Variants in XIRP2 observed in about 807,000 individuals in gnomAD.
XIRP2 encodes xin actin binding repeat containing 2, also known as xin actin-binding repeat-containing protein 2.
In XIRP2, 236 loss-of-function variants were observed where a neutral mutation model predicts 277.0. The observed-to-expected ratio is 0.85, with a 90% CI of 0.77 to 0.95. The LOEUF (loss-of-function observed/expected upper bound fraction) is 0.95, where lower values mean the gene tolerates loss of function less well. XIRP2 is among the 40% of genes least tolerant of loss of function. XIRP2 has a pLI of 0.00. For missense variants in XIRP2, 4,640 were observed against 4,157.5 expected (o/e 1.12, Z -3.19); for synonymous variants, 1,490 against 1,416.5 (o/e 1.05, Z -1.17).
At chr2:167,186,235 T>C (rs1287530593) in intron 3 of XIRP2, among the ~76,000 whole-genome samples, 1 of 152,152 alleles carries the variant, frequency 6.6e-6, no homozygotes, top group Non-Finnish European at 1.5e-5. Context: ...TCTTGTGGAG[T>C]ATATAGAACA....
At position 167,245,352 on chromosome 2, in the gene XIRP2, ACT is replaced by A; in HGVS notation, c.3963_3964del (p.Tyr1322CysfsTer11). The part of the protein sequence containing the change: ...SYRMLFETQP[L>X]YAIQDREGSY... Reference sequence around the variant, plus strand: ...ACAGAATGCTCTTTGAAACCCAGCCACTCTATGCAATTCAAGACCGAGAAGGG... The same window carrying A: ...ACAGAATGCTCTTTGAAACCCAGCCACTATGCAATTCAAGACCGAGAAGGG... On this transcript the variant is annotated frameshift_variant, in exon 9 of 11. Coordinates refer to ENST00000409195, the MANE Select transcript of XIRP2 (RefSeq NM_152381.6). LOFTEE classifies it high-confidence loss of function. 3 of 1,613,768 alleles carry A rather than the reference ACT, an allele frequency of 1.9e-6. No homozygotes were observed. The highest frequency in any genetic ancestry group is 2.5e-6 in the Non-Finnish European group (3 of 1,179,764).
intron 3 of XIRP2, among the ~76,000 whole-genome samples, chr2:167,184,196 T>G (rs1167705275): frequency 6.6e-6 from 1 of 152,190 alleles, no homozygotes; most frequent in African/African-American, 2.4e-5. Flanking sequence ...CCAAGACAGA[T>G]TTCTCAGCCT....
rs774505804 is a variant in XIRP2, at chr2:167,243,998, G to A, written c.2606G>A (p.Gly869Asp). 6.2e-7 allele frequency: 1 copy of A among 1,614,014 alleles called. No individual in the cohort carries two copies. The highest frequency in any genetic ancestry group is 1.1e-5 in the South Asian group (1 of 91,076). ...ADSLQREEII[G>D]GDVQTTKHLF... is the part of the protein sequence containing the mutation. The stretch of plus-strand genomic sequence containing the variant: ...TCTCTACAACGTGAGGAGATAATAG[G>A]TGGTGATGTACAAACTACTAAGCAT... The change falls in exon 9 of 11, where the codon GGT becomes GAT. Residue 869 changes from glycine (G) to aspartate (D), a missense_variant. Gly to Asp is a moderately conservative substitution (Grantham distance 94). Transcript: ENST00000409195.
intron 2 of XIRP2, among the ~76,000 whole-genome samples, chr2:166,952,549 G>T (rs531983900): frequency 2.6e-5 from 4 of 151,986 alleles, no homozygotes; most frequent in Admixed American, 2.6e-4. Context: ...CAGAGAGTAG[G>T]TTTTTATCAC....
intron 2 of XIRP2, among the ~76,000 whole-genome samples, chr2:167,063,749 CTTTTTATTTGTAT>C (rs1015637464): frequency 2.6e-5 from 4 of 151,272 alleles, no homozygotes; most frequent in African/African-American, 9.7e-5. Context: ...ATTTTAATTT[CTTTTTATTTGTAT>C]TTTCTAGGTT....
chr2:167,043,732 TG>T (rs1484231324), intron 2 of XIRP2, among the ~76,000 whole-genome samples: 2 of 151,982 alleles, frequency 1.3e-5, no homozygotes, highest in African/African-American at 4.8e-5. Context: ...CTGGATCAGA[TG>T]GATTCACAGC....
chr2:167,084,140 T>C (rs1458079460), intron 2 of XIRP2, among the ~76,000 whole-genome samples: 1 of 152,208 alleles, frequency 6.6e-6, no homozygotes, highest in Non-Finnish European at 1.5e-5. Flanking sequence ...ATTGAGAGTT[T>C]TTAGCATGAA....
chr2:167,038,080 G>A (rs1230792911), intron 2 of XIRP2, among the ~76,000 whole-genome samples: 1 of 151,944 alleles, frequency 6.6e-6, no homozygotes, highest in African/African-American at 2.4e-5. Flanking sequence ...ATTTTCAATA[G>A]TAATGTCTTT....
chr2:167,259,551 A>G lies in XIRP2; in HGVS notation c.*1734A>G, dbSNP rs1695786124. On this transcript the variant is annotated 3_prime_UTR_variant, in exon 11 of 11. Coordinates refer to ENST00000409195, the MANE Select transcript of XIRP2 (RefSeq NM_152381.6). ...GTCATTTTTTTCACAATTTATTTAC[A>G]TCTACTTTTGTTTGAACTGGAATGA... 1.8e-6 allele frequency: 1 copy of G among 549,554 alleles called. No homozygotes were observed. The highest frequency in any genetic ancestry group is 3.8e-5 in the South Asian group (1 of 26,490). 34.0% of individuals were successfully genotyped at this position (549,554 alleles called of 1,614,324 possible).
At chr2:166,919,157 A>C (rs984665652) in intron 2 of XIRP2, among the ~76,000 whole-genome samples, 5 of 152,150 alleles carry the variant, frequency 3.3e-5, no homozygotes, top group Non-Finnish European at 7.4e-5. Context: ...TATGTATTTC[A>C]TAATACATGG....
intron 1 of XIRP2, among the ~76,000 whole-genome samples, chr2:166,898,889 TGA>T: frequency 6.6e-6 from 1 of 152,280 alleles, no homozygotes; most frequent in East Asian, 1.9e-4. Flanking sequence ...TGTGACCTTT[TGA>T]GATTGGCTTT....
At chr2:167,066,382 C>T (rs1392888087) in intron 2 of XIRP2, among the ~76,000 whole-genome samples, 1 of 151,900 alleles carries the variant, frequency 6.6e-6, no homozygotes, top group African/African-American at 2.4e-5. Flanking sequence ...AAAAGGTGCT[C>T]AGCATCACTA....
chr2:167,084,033 A>G (rs1417445483), intron 2 of XIRP2, among the ~76,000 whole-genome samples: 7 of 151,772 alleles, frequency 4.6e-5, no homozygotes, highest in Non-Finnish European at 8.8e-5. Context: ...TTCAAAGGGA[A>G]TGCTTCCAGT....
intron 2 of XIRP2, among the ~76,000 whole-genome samples, chr2:166,916,168 G>A (rs887319337): frequency 6.6e-6 from 1 of 152,152 alleles, no homozygotes; most frequent in Admixed American, 6.5e-5. Flanking sequence ...CTACTTTTTA[G>A]TTCTGCATAA....
chr2:167,252,382 A>G (rs1289299713), intron 9 of XIRP2, among the ~76,000 whole-genome samples: 1 of 151,958 alleles, frequency 6.6e-6, no homozygotes, highest in Non-Finnish European at 1.5e-5. Flanking sequence ...TCTGAGACAC[A>G]ATTTACATTC....
intron 2 of XIRP2, among the ~76,000 whole-genome samples, chr2:166,967,686 C>T (rs2105415820): frequency 6.6e-6 from 1 of 151,980 alleles, no homozygotes; most frequent in East Asian, 1.9e-4. Flanking sequence ...ATAAACTTAC[C>T]AGGAGATTGA....
Position 167,258,941 on chromosome 2 carries a change from C to T in XIRP2, c.*1124C>T, listed in dbSNP as rs1268078237. 6.2e-7 allele frequency: 1 copy of T among 1,612,976 alleles called. No homozygotes were observed. Among genetic ancestry groups the T allele is most frequent in the Non-Finnish European group, 8.5e-7 (1 of 1,179,588 alleles). The stretch of plus-strand genomic sequence containing the variant: ...CAGTCCTGTGCAGCCTGCTCCAAAA[C>T]CAAGCCTCAGCAGAGGCCTTATGGT... On this transcript the variant is annotated 3_prime_UTR_variant, in exon 11 of 11. Coordinates refer to ENST00000409195, the MANE Select transcript of XIRP2 (RefSeq NM_152381.6).
chr2:167,051,738 A>G (rs949594580), intron 2 of XIRP2, among the ~76,000 whole-genome samples: 2 of 152,102 alleles, frequency 1.3e-5, no homozygotes, highest in Non-Finnish European at 2.9e-5. Context: ...TTAAAAATAT[A>G]TACAGACAAA....
At chr2:167,137,522 G>A (rs947674966) in intron 3 of XIRP2, among the ~76,000 whole-genome samples, 2 of 151,526 alleles carry the variant, frequency 1.3e-5, no homozygotes, top group East Asian at 2.0e-4. Context: ...CAAACTGATC[G>A]AAGTTACATG....
Sources: allele counts gnomAD v4.1 joint callset (sites outside exome capture counted in the v4.1 genomes callset), GRCh38; gene constraint gnomAD v4.1.1; transcripts MANE v1.5; gene names NCBI Gene and HGNC (gene_info 2026-07-23, HGNC 2026-07-21).